Variants in PTPRM observed in about 807,000 individuals in gnomAD.
PTPRM encodes protein tyrosine phosphatase receptor type M.
A neutral mutation model predicts 186.7 loss-of-function variants in PTPRM; 47 were observed. That is an observed-to-expected ratio of 0.25 (90% CI 0.20 to 0.32). The LOEUF (loss-of-function observed/expected upper bound fraction) is 0.32. Among genes scored for constraint, PTPRM ranks in the 10% least tolerant of loss-of-function variants. The pLI is 1.00. For missense variants in PTPRM, 1,494 were observed against 1,865.0 expected, an observed-to-expected ratio of 0.80 and a Z score of 3.66; for synonymous variants, 668 against 674.9, an observed-to-expected ratio of 0.99 and a Z score of 0.16.
At chr18:8,126,001 A>ATG (rs2092336581) in intron 13 of PTPRM, among the ~76,000 whole-genome samples, 1 of 14,604 alleles carries the variant, frequency 6.8e-5, no homozygotes, top group Non-Finnish European at 2.3e-4. Context: ...ATATATATAT[A>ATG]TATATATATA....
chr18:7,863,155 G>C (rs2047481240), intron 2 of PTPRM, among the ~76,000 whole-genome samples: 1 of 152,064 alleles, frequency 6.6e-6, no homozygotes, highest in Non-Finnish European at 1.5e-5. Context: ...AGATTTGGCA[G>C]TTTCATGTGC....
intron 4 of PTPRM, among the ~76,000 whole-genome samples, chr18:7,918,818 T>C (rs952480470): frequency 1.3e-5 from 2 of 152,196 alleles, no homozygotes; most frequent in South Asian, 2.1e-4. Context: ...CCCATTTGTC[T>C]GTTTTTGTTT....
chr18:8,152,625 T>G (rs532310176), intron 14 of PTPRM, among the ~76,000 whole-genome samples: 2 of 152,026 alleles, frequency 1.3e-5, no homozygotes, highest in African/African-American at 4.8e-5. Context: ...TTCTTTACCC[T>G]TCTTTACCTA....
At position 8,387,174 on chromosome 18, in the gene PTPRM, C is replaced by G. The variant is rs777557732; in HGVS notation, c.4147C>G (p.Gln1383Glu). ...SKRSFLKLIR[Q>E]VDKWQEEYNG... ...GCGCTCCTTCTTGAAGCTCATTCGCCAGGTGGACAAGTGGCAAGAGGAGTA... is the reference window on the plus strand; with the variant it reads ...GCGCTCCTTCTTGAAGCTCATTCGCGAGGTGGACAAGTGGCAAGAGGAGTA... Residue 1383 changes from glutamine to glutamate, a missense_variant, in exon 31 of 33, where the codon CAG (glutamine) becomes GAG (glutamate). This residue lies in a region of PTPRM where 1,107 missense variants were observed against 1,350.2 expected (regional missense o/e 0.82). Coordinates refer to ENST00000580170, the MANE Select transcript of PTPRM (RefSeq NM_001105244.2). The G allele has an allele frequency of 6.2e-7, 1 of 1,613,796 alleles. No individual in the cohort carries two copies. The highest frequency in any genetic ancestry group is 2.2e-5 in the East Asian group (1 of 44,876).
At chr18:8,295,900 A>ATTT in intron 19 of PTPRM, among the ~76,000 whole-genome samples, 1 of 152,322 alleles carries the variant, frequency 6.6e-6, no homozygotes, top group South Asian at 2.1e-4. Flanking sequence ...TTTAGCCTGG[A>ATTT]AGTCATAAAG....
rs141147411 is a variant in PTPRM at position 8,247,897 on chromosome 18, G to A, written c.2505G>A (p.Ser835=). The change falls in exon 16 of 33, where the codon TCG becomes TCA. Residue 835 remains serine, a synonymous_variant. Coordinates refer to ENST00000580170, the MANE Select transcript of PTPRM (RefSeq NM_001105244.2). Reference sequence around the variant, plus strand: ...TGAAAACAAATACACTGAGCACATCGGTGCCTAATTCCTATTACCCAGGTA... The same window carrying A: ...TGAAAACAAATACACTGAGCACATCAGTGCCTAATTCCTATTACCCAGGTA... ...FTMKTNTLST[S]VPNSYYPDPF... 10 of 1,601,764 alleles carry A rather than the reference G, an allele frequency of 6.2e-6. No individual in the cohort carries two copies. Among genetic ancestry groups the A allele is most frequent in the Admixed American group, 3.3e-5 (2 of 59,990 alleles).
chr18:8,365,380 A>G (rs760871412), intron 23 of PTPRM, among the ~76,000 whole-genome samples: 2 of 152,178 alleles, frequency 1.3e-5, no homozygotes, highest in African/African-American at 4.8e-5. Flanking sequence ...GGCAAATCAC[A>G]TGCTCTTCCA....
At position 7,854,566 on chromosome 18, in the gene PTPRM, C is replaced by A. The variant is rs536112652; in HGVS notation, c.197-33540C>A. Among the ~76,000 whole-genome samples, 12 of 152,132 alleles carry A rather than the reference C, an allele frequency of 7.9e-5. No homozygotes were observed. In the East Asian group the frequency reaches 2.3e-3, roughly 29 times the overall value. Reference sequence around the variant, plus strand: ...AAATGCAGGTAGCAGAACAGAAATTCTTTGGCTTGCTCCCTAACCTTAAAA... The same window carrying A: ...AAATGCAGGTAGCAGAACAGAAATTATTTGGCTTGCTCCCTAACCTTAAAA... On this transcript the variant is annotated intron_variant, in intron 2 of 32. Coordinates refer to ENST00000580170, the MANE Select transcript of PTPRM (RefSeq NM_001105244.2).
intron 2 of PTPRM, among the ~76,000 whole-genome samples, chr18:7,845,535 A>C (rs2046551303): frequency 6.6e-6 from 1 of 152,158 alleles, no homozygotes; most frequent in African/African-American, 2.4e-5. Flanking sequence ...ACATTGTAAA[A>C]ATTTTTCGAT....
chr18:7,888,449 CATT>C (rs1286793964), intron 3 of PTPRM, 72 bp downstream of exon 3: 1 of 1,433,340 alleles, frequency 7.0e-7, no homozygotes. Context: ...ATTGTTATAT[CATT>C]ATAATCAGAA....
intron 14 of PTPRM, among the ~76,000 whole-genome samples, chr18:8,167,897 G>A (rs528052352): frequency 2.6e-5 from 4 of 152,312 alleles, no homozygotes; most frequent in South Asian, 2.1e-4. Context: ...GCGATGTCGC[G>A]AAGTGGCATG....
At chr18:8,327,908 A>G (rs1174322520) in intron 22 of PTPRM, among the ~76,000 whole-genome samples, 1 of 152,148 alleles carries the variant, frequency 6.6e-6, no homozygotes, top group Non-Finnish European at 1.5e-5. Context: ...CATAATTTGA[A>G]AAAGAGAAGC....
chr18:7,818,224 T>C (rs558660490), intron 2 of PTPRM, among the ~76,000 whole-genome samples: 2 of 152,328 alleles, frequency 1.3e-5, no homozygotes, highest in African/African-American at 4.8e-5. Flanking sequence ...CGACGAGTCT[T>C]GTATTGGAAA....
chr18:7,611,469 T>C (rs1229209849), intron 1 of PTPRM, among the ~76,000 whole-genome samples: 1 of 152,168 alleles, frequency 6.6e-6, no homozygotes, highest in Non-Finnish European at 1.5e-5. Context: ...TTTCTATGTT[T>C]AGATAGACAA....
chr18:7,580,317 G>A (rs1210266883), intron 1 of PTPRM, among the ~76,000 whole-genome samples: 1 of 152,158 alleles, frequency 6.6e-6, no homozygotes, highest in African/African-American at 2.4e-5. Flanking sequence ...TACAGCATGA[G>A]GTTGCTTGCT....
intron 13 of PTPRM, among the ~76,000 whole-genome samples, chr18:8,138,423 G>C (rs1349918529): frequency 1.3e-5 from 2 of 152,014 alleles, no homozygotes; most frequent in Admixed American, 6.5e-5. Flanking sequence ...TGGAACTCCT[G>C]GTTGGCTACC....
intron 14 of PTPRM, among the ~76,000 whole-genome samples, chr18:8,199,827 ATTC>A (rs1286725696): frequency 6.6e-6 from 1 of 152,116 alleles, no homozygotes; most frequent in African/African-American, 2.4e-5. Context: ...CCTTAACAAG[ATTC>A]TCTTACCTTT....
At chr18:7,918,864 C>A (rs1199069750) in intron 4 of PTPRM, among the ~76,000 whole-genome samples, 1 of 152,108 alleles carries the variant, frequency 6.6e-6, no homozygotes, top group Admixed American at 6.5e-5. Context: ...AAATTCTTTG[C>A]CCAGACCAAT....
intron 1 of PTPRM, among the ~76,000 whole-genome samples, chr18:7,573,751 G>A (rs1164505054): frequency 1.3e-5 from 2 of 151,992 alleles, no homozygotes; most frequent in African/African-American, 2.4e-5. Flanking sequence ...CACCACGCCT[G>A]GCTAATTTTT....
Sources: gnomAD v4.1 joint callset for allele counts (sites outside exome capture counted in the v4.1 genomes callset) on GRCh38, gnomAD v4.1.1 for gene constraint, gnomAD v4.1.1 regional missense constraint, MANE v1.5 for transcripts, NCBI Gene and HGNC (gene_info 2026-07-23, HGNC 2026-07-21) for gene names.